The following SMARCA4 variants were observed in gnomAD, a reference collection of about 807,000 sequenced individuals.
The protein encoded by SMARCA4 is SWI/SNF related BAF chromatin remodeling complex subunit ATPase 4, also known as SWI/SNF-related matrix-associated actin-dependent regulator of chromatin subfamily A member 4.
SMARCA4 carries 31 observed loss-of-function variants against 193.9 expected under a neutral mutation model. The observed-to-expected ratio is 0.16, with a 90% CI of 0.12 to 0.22. The LOEUF (loss-of-function observed/expected upper bound fraction) is 0.22. Ranked by LOEUF, SMARCA4 falls within the 10% of genes least tolerant of loss-of-function variation. SMARCA4 has a pLI of 1.00. For missense variants in SMARCA4, 1,148 were observed against 2,296.0 expected (o/e 0.50, Z 10.22); for synonymous variants, 942 against 933.1 (o/e 1.01, Z -0.17).
chr19:11,027,805 G>C lies in SMARCA4; in HGVS notation c.3237G>C (p.Ser1079=), dbSNP rs752310534. 6.2e-7 allele frequency: 1 copy of C among 1,614,100 alleles called. No individual in the cohort carries two copies. Among genetic ancestry groups the C allele is most frequent in the Non-Finnish European group, 8.5e-7 (1 of 1,180,036 alleles). The part of the protein sequence containing the change: ...IVQGLDLYRA[S]GKFELLDRIL... Reference sequence around the variant, plus strand: ...CCAGGCTGGACCTGTACCGAGCCTCGGGTAAATTTGAGCTTCTTGATAGAA... The same window carrying C: ...CCAGGCTGGACCTGTACCGAGCCTCCGGTAAATTTGAGCTTCTTGATAGAA... Residue 1079 remains serine, a synonymous_variant, in exon 24 of 35, where the codon TCG becomes TCC. Coordinates refer to ENST00000344626, the MANE Select transcript of SMARCA4 (RefSeq NM_003072.5).
At chr19:10,992,432 T>C (rs2086640004) in intron 8 of SMARCA4, among the ~76,000 whole-genome samples, 2 of 149,996 alleles carry the variant, frequency 1.3e-5, no homozygotes, top group Non-Finnish European at 3.0e-5. Context: ...TTTTTTTTTT[T>C]TTTTTTTTTG....
chr19:11,051,962 A>AGACTTGCCTATAATCCCAGTTACGAGG, intron 30 of SMARCA4, among the ~76,000 whole-genome samples: 1 of 152,192 alleles, frequency 6.6e-6, no homozygotes, highest in South Asian at 2.1e-4. Context: ...GAGCGTAGTG[A>AGACTTGCCTATAATCCCAGTTACGAGG]GACTTGCCTA....
chr19:10,974,754 T>G (rs1415771632), intron 1 of SMARCA4, among the ~76,000 whole-genome samples: 4 of 124,614 alleles, frequency 3.2e-5, no homozygotes, highest in Non-Finnish European at 6.4e-5. Flanking sequence ...TTGCCTGGGC[T>G]AGAGAGCTGT....
At chr19:11,049,028 G>A (rs1423568687) in intron 30 of SMARCA4, among the ~76,000 whole-genome samples, 1 of 152,198 alleles carries the variant, frequency 6.6e-6, no homozygotes, top group Non-Finnish European at 1.5e-5. Flanking sequence ...GGAACAGGCT[G>A]GAGTGTTCTG....
Position 10,986,294 on chromosome 19 carries a change from T to C in SMARCA4, c.461T>C (p.Leu154Pro), listed in dbSNP as rs1236457430. 2 of 1,613,710 alleles carry C rather than the reference T, an allele frequency of 1.2e-6. No homozygotes were observed. The highest frequency in any genetic ancestry group is 8.5e-7 in the Non-Finnish European group (1 of 1,179,976). The change falls in exon 4 of 35, where the codon CTG becomes CCG. Residue 154 changes from leucine (L) to proline (P), a missense_variant. Physicochemically the swap from Leu to Pro is moderately conservative, Grantham distance 98 (BLOSUM62 -3). Transcript: ENST00000344626. The surrounding 1 kb of genome is among the most constrained non-coding windows in gnomAD (Gnocchi z 6.7). ...TCTTCCGGGCCAGGAGGTGCCCCGC[T>C]GGATGGTGCTGACCCCCAGGCCTTG... ...QMSSGPGGAP[L>P]DGADPQALGQ...
chr19:11,011,119 C>T (rs771151495), intron 15 of SMARCA4: 7 of 182,296 alleles, frequency 3.8e-5, no homozygotes, highest in Non-Finnish European at 7.1e-5. Context: ...TGCTCATGCT[C>T]TTAATGCGGC....
At position 10,968,661 on chromosome 19, in the gene SMARCA4, A is replaced by G. The variant is rs1332889791; in HGVS notation, c.-32+7487A>G. Among the ~76,000 whole-genome samples, 5 of 152,022 alleles carry G rather than the reference A, an allele frequency of 3.3e-5. No individual in the cohort carries two copies. The East Asian group carries it at 9.7e-4, about 29-fold the overall frequency. ...CTGTGCTAGCTCTTGGGAGTTTTTTAAGTTTTCTCTTTGCCACTGGCAAGT... is the reference window on the plus strand; with the variant it reads ...CTGTGCTAGCTCTTGGGAGTTTTTTGAGTTTTCTCTTTGCCACTGGCAAGT... On this transcript the variant is annotated intron_variant, in intron 1 of 34. Transcript: ENST00000344626.
At chr19:10,993,146 TG>T (rs758495828) in intron 8 of SMARCA4, among the ~76,000 whole-genome samples, 6 of 151,932 alleles carry the variant, frequency 3.9e-5, no homozygotes, top group Non-Finnish European at 8.8e-5. Context: ...CCACCACACC[TG>T]GCTACTTTTT....
At chr19:10,992,420 ATTTTTT>A (rs927402603) in intron 8 of SMARCA4, among the ~76,000 whole-genome samples, 3 of 118,554 alleles carry the variant, frequency 2.5e-5, no homozygotes, top group African/African-American at 9.5e-5. Context: ...CCTGGCCAAC[ATTTTTT>A]TTTTTTTTTT....
intron 1 of SMARCA4, among the ~76,000 whole-genome samples, chr19:10,982,644 T>C (rs554843411): frequency 1.3e-5 from 2 of 151,772 alleles, no homozygotes; most frequent in East Asian, 4.0e-4. Flanking sequence ...GGACTACAGG[T>C]GCCTGCCACC....
chr19:11,024,812 C>G (rs2090132181), intron 21 of SMARCA4, among the ~76,000 whole-genome samples: 1 of 152,104 alleles, frequency 6.6e-6, no homozygotes, highest in Non-Finnish European at 1.5e-5. Flanking sequence ...CTGCCTGGCT[C>G]TCCTCACCAG....
chr19:10,995,255 TG>T lies in SMARCA4; in HGVS notation c.1593+256del, dbSNP rs531889452. On this transcript the variant is annotated intron_variant, in intron 9 of 34. Transcript: ENST00000344626. ...CTCTGCCTTCTCTGGAAAATGGAGG[TG>T]GTGCCCCCTTCCCTCGTTCTGTGAG... 2.1e-3 allele frequency: 1,308 copies of T among 633,872 alleles called. 19 individuals are homozygous for T. In the African/African-American group the frequency reaches 0.021, roughly 10 times the overall value. The allele number at this position is 633,872 out of a possible 1,614,324, so 39.3% of individuals were successfully genotyped here.
chr19:10,972,111 C>T lies in SMARCA4; in HGVS notation c.-32+10937C>T, dbSNP rs549922681. 5.1e-4 allele frequency among the ~76,000 whole-genome samples: 77 copies of T among 152,254 alleles called. No homozygotes were observed. In the South Asian group the frequency reaches 0.015, roughly 30 times the overall value. The stretch of plus-strand genomic sequence containing the variant: ...AGTAGCTGGGATTACGGGCGCCTGC[C>T]ACCATGCCGGCTAATTTTTGTATTT... On this transcript the variant is annotated intron_variant, in intron 1 of 34. Transcript: ENST00000344626.
intron 13 of SMARCA4, among the ~76,000 whole-genome samples, chr19:11,004,287 T>C (rs1212711232): frequency 1.3e-5 from 2 of 150,306 alleles, no homozygotes; most frequent in African/African-American, 2.5e-5. Flanking sequence ...TCTCACTCTA[T>C]AGCCCAGGAT....
At chr19:11,024,784 C>A (rs1349228904) in intron 21 of SMARCA4, among the ~76,000 whole-genome samples, 1 of 152,082 alleles carries the variant, frequency 6.6e-6, no homozygotes, top group Non-Finnish European at 1.5e-5. Context: ...TCTGAGAATC[C>A]CAGGCCCCAG....
In SMARCA4 at chr19:11,039,463, T is replaced by C. The variant is rs772450555; in HGVS notation, c.4171-1844T>C. ...ATTAAAAAATTTTGTTGTAGAAAATTACAGGAAAAGATATCCATGACACAG... is the reference window on the plus strand; with the variant it reads ...ATTAAAAAATTTTGTTGTAGAAAATCACAGGAAAAGATATCCATGACACAG... On this transcript the variant is annotated intron_variant, in intron 29 of 34. Transcript: ENST00000344626. 1.0e-5 allele frequency: 16 copies of C among 1,594,410 alleles called. No individual in the cohort carries two copies. The highest frequency in any genetic ancestry group is 1.4e-5 in the Non-Finnish European group (16 of 1,171,466).
In SMARCA4 at chr19:10,985,155, C is replaced by A. The variant is rs76200030; in HGVS notation, c.223-118C>A. ...AGTCATGCTGGGGACTGGGGAGATGCGCGTCATCTTCGGGTGGCTGTTCTC... is the reference window on the plus strand; with the variant it reads ...AGTCATGCTGGGGACTGGGGAGATGAGCGTCATCTTCGGGTGGCTGTTCTC... On this transcript the variant is annotated intron_variant, in intron 2 of 34. Coordinates refer to ENST00000344626, the MANE Select transcript of SMARCA4 (RefSeq NM_003072.5). This position sits in a 1 kb window ranked among gnomAD's most constrained non-coding sequence, Gnocchi z 4.5. 9.9e-7 allele frequency: 1 copy of A among 1,009,840 alleles called. No individual in the cohort carries two copies. The highest frequency in any genetic ancestry group is 1.5e-6 in the Non-Finnish European group (1 of 646,294). 62.6% of individuals were successfully genotyped at this position (1,009,840 alleles called of 1,614,324 possible).
Position 11,033,533 on chromosome 19 carries a change from G to T in SMARCA4, c.3774+16G>T, listed in dbSNP as rs773346604. 6 of 1,596,210 alleles carry T rather than the reference G, an allele frequency of 3.8e-6. No homozygotes were observed. The highest frequency in any genetic ancestry group is 1.3e-5 in the African/African-American group (1 of 74,616). On this transcript the variant is annotated intron_variant, in intron 26 of 34. Coordinates refer to ENST00000344626, the MANE Select transcript of SMARCA4 (RefSeq NM_003072.5). This position sits in a 1 kb window ranked among gnomAD's most constrained non-coding sequence, Gnocchi z 9.8. ...GCAGGATGAGGTGAGCCCAGCACCG[G>T]CCCCGACCCCTCCCCAGCGTGAATG...
At chr19:11,053,746 CA>C (rs925464554) in intron 30 of SMARCA4, among the ~76,000 whole-genome samples, 1 of 152,048 alleles carries the variant, frequency 6.6e-6, no homozygotes, top group Non-Finnish European at 1.5e-5. Flanking sequence ...CCCATCTCTA[CA>C]AAATATTTTT....
Sources: allele counts gnomAD v4.1 joint callset (sites outside exome capture counted in the v4.1 genomes callset), GRCh38; gene constraint gnomAD v4.1.1; non-coding constraint Gnocchi (gnomAD v3.1); transcripts MANE v1.5; gene names NCBI Gene and HGNC (gene_info 2026-07-23, HGNC 2026-07-21).